Variants in ELMO1 observed in about 807,000 individuals in gnomAD.
ELMO1 encodes engulfment and cell motility 1, also known as engulfment and cell motility protein 1.
Under a neutral mutation model 98.9 loss-of-function variants are expected in ELMO1, and 26 were observed. The observed-to-expected ratio is 0.26, with a 90% CI of 0.19 to 0.36. The LOEUF is 0.36. Ranked by LOEUF, ELMO1 falls within the 10% of genes least tolerant of loss-of-function variation. The pLI is 1.00. For synonymous variants in ELMO1, 346 were observed against 346.0 expected (o/e 1.00, Z 0.00); for missense variants, 627 against 935.2 (o/e 0.67, Z 4.30).
chr7:37,205,098 A>T (rs1344827822), intron 13 of ELMO1, among the ~76,000 whole-genome samples: 1 of 152,162 alleles, frequency 6.6e-6, no homozygotes, highest in Non-Finnish European at 1.5e-5. Context: ...TCTCATTACC[A>T]TTTAAGAGCA....
At chr7:37,132,783 A>G (rs1787015198) in intron 14 of ELMO1, among the ~76,000 whole-genome samples, 1 of 152,194 alleles carries the variant, frequency 6.6e-6, no homozygotes. Flanking sequence ...TGTCAGACTC[A>G]ACAGCCTCTG....
At chr7:37,242,884 G>A (rs988835994) in intron 7 of ELMO1, among the ~76,000 whole-genome samples, 1 of 152,094 alleles carries the variant, frequency 6.6e-6, no homozygotes, top group African/African-American at 2.4e-5. Flanking sequence ...TGGATGAGTA[G>A]GTGTTCTCAG....
intron 1 of ELMO1, among the ~76,000 whole-genome samples, chr7:37,344,884 A>G (rs908012683): frequency 3.9e-5 from 6 of 152,228 alleles, no homozygotes; most frequent in African/African-American, 1.4e-4. Context: ...TGAGAAATTG[A>G]TATCTGTAAC....
intron 4 of ELMO1, among the ~76,000 whole-genome samples, chr7:37,289,604 G>A (rs924170012): frequency 1.3e-5 from 2 of 152,172 alleles, no homozygotes; most frequent in South Asian, 4.1e-4. Flanking sequence ...CCAGCCCTAA[G>A]AGGAAGGGCC....
chr7:37,117,102 C>T (rs909548027), intron 14 of ELMO1: 5 of 204,980 alleles, frequency 2.4e-5, no homozygotes, highest in Admixed American at 2.3e-4. Context: ...AACACTGAGA[C>T]TTTGGGGCTT....
chr7:37,155,332 G>A (rs904693042), intron 13 of ELMO1, among the ~76,000 whole-genome samples: 3 of 151,994 alleles, frequency 2.0e-5, no homozygotes, highest in Non-Finnish European at 4.4e-5. Flanking sequence ...AAATGTAAGT[G>A]GGCTAAACGC....
intron 19 of ELMO1, among the ~76,000 whole-genome samples, chr7:36,873,741 G>A (rs980896960): frequency 2.6e-5 from 4 of 152,184 alleles, no homozygotes; most frequent in East Asian, 1.9e-4. Flanking sequence ...TTATCACTTC[G>A]GACATTCAGG....
intron 15 of ELMO1, among the ~76,000 whole-genome samples, chr7:37,015,711 A>G (rs1793890150): frequency 6.6e-6 from 1 of 152,240 alleles, no homozygotes; most frequent in Non-Finnish European, 1.5e-5. Context: ...TTTGGACAGG[A>G]TACAAGTTAA....
In ELMO1 at chr7:37,233,259, A is replaced by G. The variant is rs1183208590; in HGVS notation, c.450-65T>C. On this transcript the variant is annotated intron_variant, in intron 7 of 21. Transcript: ENST00000310758. ...AGCTGAGCAAAGACACAGAAGCAAG[A>G]AAGTTCTGGGAAAGTGAATACAAGC... 2.1e-6 allele frequency: 3 copies of G among 1,434,538 alleles called. No homozygotes were observed. In the East Asian group the frequency reaches 6.9e-5, roughly 33 times the overall value. 88.9% of individuals were successfully genotyped at this position (1,434,538 alleles called of 1,614,324 possible).
chr7:36,881,983 C>A (rs1380256192), intron 18 of ELMO1, among the ~76,000 whole-genome samples: 2 of 152,232 alleles, frequency 1.3e-5, no homozygotes, highest in Non-Finnish European at 2.9e-5. Context: ...AAGCTTGGGG[C>A]TGGTCCCTGG....
rs766397815 is a variant in ELMO1, at chr7:37,216,710, C to T, written c.781-15G>A. On this transcript the variant is annotated splice_polypyrimidine_tract_variant and intron_variant, in intron 10 of 21. Transcript: ENST00000310758. Reference sequence around the variant, plus strand: ...TTCGCCATCTCCTGTGGAAGAAAAACACACCCACACAAAGGCTTAGGTTAG... The same window carrying T: ...TTCGCCATCTCCTGTGGAAGAAAAATACACCCACACAAAGGCTTAGGTTAG... 1.9e-6 allele frequency: 3 copies of T among 1,614,024 alleles called. No homozygotes were observed. Among genetic ancestry groups the T allele is most frequent in the Non-Finnish European group, 2.5e-6 (3 of 1,179,994 alleles).
At chr7:37,445,203 T>G (rs1805561583) in intron 1 of ELMO1, among the ~76,000 whole-genome samples, 1 of 152,192 alleles carries the variant, frequency 6.6e-6, no homozygotes, top group Non-Finnish European at 1.5e-5. Context: ...AAAAAGCACT[T>G]CTCTGGTTGA....
intron 15 of ELMO1, among the ~76,000 whole-genome samples, chr7:37,067,227 T>C (rs1381890579): frequency 6.6e-6 from 1 of 152,182 alleles, no homozygotes; most frequent in South Asian, 2.1e-4. Flanking sequence ...ACAGACATGA[T>C]GCTTTGAGAG....
At chr7:36,863,923 A>G (rs913292931) in intron 20 of ELMO1, among the ~76,000 whole-genome samples, 3 of 152,176 alleles carry the variant, frequency 2.0e-5, no homozygotes, top group Admixed American at 2.0e-4. Context: ...CTAATCTTAG[A>G]GTCATTTATT....
intron 13 of ELMO1, among the ~76,000 whole-genome samples, chr7:37,139,004 G>A (rs1001059752): frequency 6.6e-6 from 1 of 152,320 alleles, no homozygotes. Context: ...TGCAGAAAAT[G>A]CATTTGACAG....
intron 16 of ELMO1, among the ~76,000 whole-genome samples, chr7:36,974,939 C>G (rs1790394950): frequency 6.6e-6 from 1 of 151,934 alleles, no homozygotes; most frequent in Non-Finnish European, 1.5e-5. Context: ...CACTCCTGAG[C>G]CAGCGAGACC....
At chr7:37,233,293 A>G in intron 7 of ELMO1, 99 bp from the exon 8 acceptor site, 1 of 995,482 alleles carries the variant, frequency 1.0e-6, no homozygotes, top group Admixed American at 2.6e-5. Flanking sequence ...GCAGAATTTT[A>G]AAAGATCAAG....
intron 13 of ELMO1, among the ~76,000 whole-genome samples, chr7:37,143,404 T>TTTTA (rs1787765237): frequency 6.6e-6 from 1 of 152,206 alleles, no homozygotes; most frequent in Non-Finnish European, 1.5e-5. Flanking sequence ...GAGATCCATC[T>TTTTA]TTTTATTTAT....
At chr7:36,886,908 A>G (rs1324435409) in intron 18 of ELMO1, among the ~76,000 whole-genome samples, 1 of 152,222 alleles carries the variant, frequency 6.6e-6, no homozygotes, top group Non-Finnish European at 1.5e-5. Flanking sequence ...TTATATCCAC[A>G]TATAAAATAA....
Sources: allele counts gnomAD v4.1 joint callset (sites outside exome capture counted in the v4.1 genomes callset), GRCh38; gene constraint gnomAD v4.1.1; transcripts MANE v1.5; gene names NCBI Gene and HGNC (gene_info 2026-07-23, HGNC 2026-07-21).